TMEFF2: variants seen among roughly 807,000 people sequenced by gnomAD.
The protein encoded by TMEFF2 is transmembrane protein with EGF like and two follistatin like domains 2, also known as tomoregulin-2.
A neutral mutation model predicts 53.8 loss-of-function variants in TMEFF2; 28 were observed. The observed-to-expected ratio is 0.52, with a 90% CI of 0.39 to 0.71. TMEFF2 has a LOEUF of 0.71. TMEFF2 is among the 30% of genes least tolerant of loss of function. The pLI, the probability that TMEFF2 is intolerant of heterozygous loss-of-function variation, is 0.00. For synonymous variants in TMEFF2, 162 were observed against 166.3 expected (o/e 0.97, Z 0.20); for missense variants, 353 against 455.2 (o/e 0.78, Z 2.04).
intron 5 of TMEFF2, chr2:192,031,939 A>G (rs1289183135): frequency 6.6e-6 from 1 of 152,188 alleles, no homozygotes; most frequent in East Asian, 1.9e-4. Flanking sequence ...ACTTACTTAT[A>G]ATCATCCTCT....
chr2:192,174,758 A>G (rs1012119315), intron 4 of TMEFF2, among the ~76,000 whole-genome samples: 8 of 151,686 alleles, frequency 5.3e-5, no homozygotes, highest in African/African-American at 1.7e-4. Flanking sequence ...GTTGCTTACA[A>G]TTGACACCTG....
chr2:192,081,039 G>A (rs1688540059), intron 4 of TMEFF2, among the ~76,000 whole-genome samples: 1 of 152,156 alleles, frequency 6.6e-6, no homozygotes, highest in Non-Finnish European at 1.5e-5. Context: ...TACAAGAACA[G>A]TAATTTTTTG....
intron 7 of TMEFF2, among the ~76,000 whole-genome samples, chr2:191,960,516 A>G (rs773457195): frequency 2.0e-4 from 31 of 152,250 alleles, no homozygotes; most frequent in Non-Finnish European, 3.5e-4. Context: ...TTTAAGGTCA[A>G]ACTTGTGCTG....
At position 192,003,136 on chromosome 2, in the gene TMEFF2, A is replaced by G. The variant is rs148458747; in HGVS notation, c.537-3928T>C. ...TGCACACATGAAACTTTCAATAACT[A>G]CATGTTGGATAGCTAAATGAAATGA... On this transcript the variant is annotated intron_variant, in intron 5 of 9. Coordinates refer to ENST00000272771, the MANE Select transcript of TMEFF2 (RefSeq NM_016192.4). 8.8e-4 allele frequency among the ~76,000 whole-genome samples: 134 copies of G among 152,290 alleles called. 1 individual carries two copies. The highest frequency in any genetic ancestry group is 3.0e-3 in the African/African-American group (125 of 41,578).
intron 4 of TMEFF2, among the ~76,000 whole-genome samples, chr2:192,147,770 T>C (rs1690290365): frequency 6.6e-6 from 1 of 152,092 alleles, no homozygotes; most frequent in Non-Finnish European, 1.5e-5. Context: ...TTCAACATGA[T>C]AGCCATTAGC....
In TMEFF2 at chr2:192,013,036, C is replaced by G. The variant is rs559793062; in HGVS notation, c.537-13828G>C. Among the ~76,000 whole-genome samples, 2 of 152,172 alleles carry G rather than the reference C, an allele frequency of 1.3e-5. 1 individual carries two copies. The highest frequency in any genetic ancestry group is 4.8e-5 in the African/African-American group (2 of 41,440). ...TGAATTGCTCTCCCATTTCTACTTG[C>G]CTTTCCTCAAGTCAGTTCATGCTGC... On this transcript the variant is annotated intron_variant, in intron 5 of 9. Transcript: ENST00000272771.
At chr2:192,092,426 T>C (rs370206154) in intron 4 of TMEFF2, among the ~76,000 whole-genome samples, 2 of 152,130 alleles carry the variant, frequency 1.3e-5, no homozygotes, top group East Asian at 1.9e-4. Context: ...CTGGTGACTA[T>C]AAAAACTGCC....
At chr2:192,193,872 C>T (rs1217729464) in intron 1 of TMEFF2, among the ~76,000 whole-genome samples, 1 of 151,780 alleles carries the variant, frequency 6.6e-6, no homozygotes, top group Non-Finnish European at 1.5e-5. Flanking sequence ...GAGACCAGTG[C>T]GACCTCATGG....
chr2:192,075,456 A>G (rs1202865678), intron 4 of TMEFF2, among the ~76,000 whole-genome samples: 1 of 150,870 alleles, frequency 6.6e-6, no homozygotes, highest in African/African-American at 2.4e-5. Flanking sequence ...GCAGCATATT[A>G]CTTGTAATAG....
intron 7 of TMEFF2, among the ~76,000 whole-genome samples, chr2:191,983,101 C>T (rs192252688): frequency 6.6e-6 from 1 of 152,052 alleles, no homozygotes; most frequent in Non-Finnish European, 1.5e-5. Flanking sequence ...ATCCTACACT[C>T]TAATGCTTTA....
At chr2:191,997,239 A>G (rs1056668541) in intron 7 of TMEFF2, among the ~76,000 whole-genome samples, 1 of 151,924 alleles carries the variant, frequency 6.6e-6, no homozygotes, top group South Asian at 2.1e-4. Flanking sequence ...AAATCCATCT[A>G]CATATTGAAA....
chr2:192,096,670 CT>C (rs1179296312), intron 4 of TMEFF2, among the ~76,000 whole-genome samples: 251 of 53,688 alleles, frequency 4.7e-3, no homozygotes, highest in African/African-American at 0.01. Context: ...CTCTCTCTCT[CT>C]TTTTTTTTTT....
chr2:192,136,126 T>C (rs866180633), intron 4 of TMEFF2, among the ~76,000 whole-genome samples: 7 of 152,190 alleles, frequency 4.6e-5, no homozygotes, highest in Non-Finnish European at 8.8e-5. Context: ...ATTTTTCCTT[T>C]TTTTCAAAAT....
intron 4 of TMEFF2, among the ~76,000 whole-genome samples, chr2:192,134,222 G>A (rs1052347285): frequency 7.9e-5 from 12 of 151,938 alleles, no homozygotes; most frequent in African/African-American, 1.7e-4. Flanking sequence ...CTCACTCTTC[G>A]TTAAGTCCCA....
chr2:192,007,126 T>C (rs1686517529), intron 5 of TMEFF2, among the ~76,000 whole-genome samples: 1 of 152,220 alleles, frequency 6.6e-6, no homozygotes, highest in Admixed American at 6.5e-5. Context: ...ATTCATTCCA[T>C]TTTAAGAAAT....
At chr2:192,054,358 C>T (rs757077142) in intron 5 of TMEFF2, among the ~76,000 whole-genome samples, 15 of 152,076 alleles carry the variant, frequency 9.9e-5, no homozygotes, top group Non-Finnish European at 1.2e-4. Context: ...CAGTTCTTGA[C>T]GAGTTTTTCT....
At chr2:192,119,819 T>C (rs866871267) in intron 4 of TMEFF2, among the ~76,000 whole-genome samples, 19 of 152,190 alleles carry the variant, frequency 1.2e-4, no homozygotes, top group African/African-American at 4.6e-4. Context: ...CACATGTAGG[T>C]GTTGTATGCC....
chr2:191,952,229 T>C (rs1691908438), intron 9 of TMEFF2, among the ~76,000 whole-genome samples: 1 of 152,204 alleles, frequency 6.6e-6, no homozygotes, highest in African/African-American at 2.4e-5. Flanking sequence ...GCTTACACAA[T>C]TCCTAGTGAG....
chr2:192,131,251 AACCCCTTCTCTCATTGTCTCT>A (rs1689819015), intron 4 of TMEFF2, among the ~76,000 whole-genome samples: 11 of 131,102 alleles, frequency 8.4e-5, no homozygotes, highest in African/African-American at 3.2e-4. Flanking sequence ...CAAGTACCCC[AACCCCTTCTCTCATTGTCTCT>A]ACCCCTTCTC....
Sources: gnomAD v4.1 joint callset for allele counts (sites outside exome capture counted in the v4.1 genomes callset) on GRCh38, gnomAD v4.1.1 for gene constraint, MANE v1.5 for transcripts, NCBI Gene and HGNC (gene_info 2026-07-23, HGNC 2026-07-21) for gene names.